Variants in SLC5A10 observed in about 807,000 individuals in gnomAD.
The protein encoded by SLC5A10 is sodium/mannose cotransporter SLC5A10.
In SLC5A10, 55 loss-of-function variants were observed where a neutral mutation model predicts 68.9. The observed-to-expected ratio is 0.80, with a 90% CI of 0.64 to 1.00. The LOEUF is 1.00. SLC5A10 is among the 50% of genes least tolerant of loss of function. The probability of loss-of-function intolerance (pLI) is 0.00; values close to 1 mark genes in which losing one functional copy is unlikely to be tolerated. For missense variants in SLC5A10, 732 were observed against 819.3 expected, an observed-to-expected ratio of 0.89 and a Z score of 1.30; for synonymous variants, 344 against 344.8, an observed-to-expected ratio of 1.00 and a Z score of 0.02.
At chr17:18,992,361 C>T (rs1428457328) in intron 9 of SLC5A10, among the ~76,000 whole-genome samples, 1 of 152,192 alleles carries the variant, frequency 6.6e-6, no homozygotes, top group East Asian at 1.9e-4. Context: ...ATGGGGATCC[C>T]CAGTGCCCTG....
intron 9 of SLC5A10, among the ~76,000 whole-genome samples, chr17:19,007,386 T>C (rs948728675): frequency 6.6e-6 from 1 of 152,166 alleles, no homozygotes; most frequent in African/African-American, 2.4e-5. Flanking sequence ...TTTTTAACTC[T>C]TGAGTTTTAA....
chr17:18,969,177 G>A lies in SLC5A10; in HGVS notation c.559+20G>A, dbSNP rs762692312. ...TCGCAGGTATGGTGCCTGCAGCAGG[G>A]AGGTCCACCCAGGGGACGTGTAAAG... On this transcript the variant is annotated intron_variant, in intron 6 of 14. Coordinates refer to ENST00000395645, the MANE Select transcript of SLC5A10 (RefSeq NM_001042450.4). The A allele has an allele frequency of 6.2e-7, 1 of 1,611,826 alleles. No individual in the cohort carries two copies. Among genetic ancestry groups the A allele is most frequent in the Middle Eastern group, 1.7e-4 (1 of 6,048 alleles).
rs562297716 is a variant in SLC5A10, at chr17:18,987,171, C to A, written c.982+10182C>A. Reference sequence around the variant, plus strand: ...GGCGGTGCCCCTTCTCCTAGGACCACAAGCCTGAAACCTGCAGAATTTTGA... The same window carrying A: ...GGCGGTGCCCCTTCTCCTAGGACCAAAAGCCTGAAACCTGCAGAATTTTGA... On this transcript the variant is annotated intron_variant, in intron 9 of 14. Transcript: ENST00000395645. Among the ~76,000 whole-genome samples, 54 of 152,350 alleles carry A rather than the reference C, an allele frequency of 3.5e-4. 2 individuals carry two copies. In the East Asian group the frequency reaches 0.01, roughly 29 times the overall value.
intron 8 of SLC5A10, among the ~76,000 whole-genome samples, chr17:18,974,023 G>A (rs2042921117): frequency 6.6e-6 from 1 of 151,656 alleles, no homozygotes; most frequent in Non-Finnish European, 1.5e-5. Context: ...CTCCTAAGTA[G>A]TTGGGATTAC....
intron 9 of SLC5A10, among the ~76,000 whole-genome samples, chr17:18,999,804 G>A (rs900248337): frequency 3.9e-5 from 6 of 152,224 alleles, no homozygotes; most frequent in Non-Finnish European, 7.3e-5. Context: ...AGAGATCAGT[G>A]TTCTGGCCCT....
rs561246041 is a variant in SLC5A10, at chr17:18,971,125, CAT to C, written c.754_755del (p.Met252ValfsTer77). The C allele has an allele frequency of 4.4e-4, 709 of 1,614,128 alleles. No homozygotes were observed. The highest frequency in any genetic ancestry group is 5.3e-4 in the South Asian group (48 of 91,086). On this transcript the variant is annotated frameshift_variant, in exon 8 of 15. Transcript: ENST00000395645. LOFTEE classifies it high-confidence loss of function. The surrounding 1 kb of genome is among the most constrained non-coding windows in gnomAD (Gnocchi z 5.5). Reference sequence around the variant, plus strand: ...ACCTGCCACGTACAGACGCCATGCACATGTTTCGAGACCCCCACACAGGGGAC... The same window carrying C: ...ACCTGCCACGTACAGACGCCATGCACGTTTCGAGACCCCCACACAGGGGAC... ...CHLPRTDAMH[M>X]FRDPHTGDLP...
chr17:18,996,221 TA>T lies in SLC5A10; in HGVS notation c.983-17183del, dbSNP rs150862741. ...GGCAAACTAAAGACTTTTTCAAATA[TA>T]AAAAAGCTGAGAGAATTCATTACCA... On this transcript the variant is annotated intron_variant, in intron 9 of 14. Coordinates refer to ENST00000395645, the MANE Select transcript of SLC5A10 (RefSeq NM_001042450.4). This position sits in a 1 kb window ranked among gnomAD's most constrained non-coding sequence, Gnocchi z 4.4. 0.028 allele frequency among the ~76,000 whole-genome samples: 4,294 copies of T among 151,958 alleles called. 198 individuals are homozygous for T. Among genetic ancestry groups the T allele is most frequent in the African/African-American group, 0.097 (4,035 of 41,414 alleles).
upstream of SLC5A10, chr17:18,952,044 G>A (rs889298764): frequency 9.9e-6 from 12 of 1,212,962 alleles, no homozygotes; most frequent in African/African-American, 1.2e-4. Flanking sequence ...AAGCTGAACT[G>A]CATGGTGAGG....
chr17:19,015,019 C>A lies in SLC5A10; in HGVS notation c.1091-30C>A, dbSNP rs1037711069. ...TTCCCGGGGCTGTCTCAAGGCCGGA[C>A]AGGGTCACACATCCCCCGTCCCACC... On this transcript the variant is annotated intron_variant, in intron 10 of 14. Coordinates refer to ENST00000395645, the MANE Select transcript of SLC5A10 (RefSeq NM_001042450.4). 1.9e-6 allele frequency: 3 copies of A among 1,600,038 alleles called. No individual in the cohort carries two copies. The African/African-American group carries it at 4.0e-5, about 21-fold the overall frequency.
chr17:19,013,020 G>C (rs2044049215), intron 9 of SLC5A10, among the ~76,000 whole-genome samples: 2 of 152,232 alleles, frequency 1.3e-5, no homozygotes, highest in Non-Finnish European at 2.9e-5. Flanking sequence ...GCCTGGGGCA[G>C]GGCCCATCCT....
In SLC5A10 at chr17:18,958,707, C is replaced by T. The variant is rs201995487; in HGVS notation, c.137C>T (p.Thr46Met). The T allele has an allele frequency of 2.0e-5, 32 of 1,614,206 alleles. No individual in the cohort carries two copies. The highest frequency in any genetic ancestry group is 1.4e-4 in the South Asian group (13 of 91,086). The change falls in exon 2 of 15, where the codon ACG becomes ATG. Residue 46 changes from threonine to methionine, a missense_variant. Transcript: ENST00000395645. Reference sequence around the variant, plus strand: ...TCCTCTTGTCGGGCCAGTAGGAACACGGTGAATGGCTACTTCCTGGCAGGC... The same window carrying T: ...TCCTCTTGTCGGGCCAGTAGGAACATGGTGAATGGCTACTTCCTGGCAGGC... ...IWSSCRASRN[T>M]VNGYFLAGRD...
intron 5 of SLC5A10, among the ~76,000 whole-genome samples, chr17:18,964,405 G>A (rs188040375): frequency 2.0e-5 from 3 of 152,196 alleles, no homozygotes; most frequent in African/African-American, 4.8e-5. Context: ...GACTGGGCCT[G>A]GCCTGTGGGT....
chr17:18,958,444 A>C (rs1187045012), intron 1 of SLC5A10, among the ~76,000 whole-genome samples: 1 of 152,222 alleles, frequency 6.6e-6, no homozygotes, highest in African/African-American at 2.4e-5. Context: ...AGTCGACAGA[A>C]ATGTGGGTTG....
intron 7 of SLC5A10, 67 bp downstream of exon 7, chr17:18,969,489 C>A (rs2042785101): frequency 1.4e-6 from 2 of 1,436,998 alleles, no homozygotes; most frequent in Non-Finnish European, 1.9e-6. Flanking sequence ...TCTGGCACTG[C>A]CCGGCACTGT....
At chr17:18,997,014 C>CT (rs2043586404) in intron 9 of SLC5A10, among the ~76,000 whole-genome samples, 1 of 152,228 alleles carries the variant, frequency 6.6e-6, no homozygotes, top group Non-Finnish European at 1.5e-5. Flanking sequence ...TGGATGAACT[C>CT]TGAGGTCCCG....
At chr17:18,981,351 G>A (rs771986731) in intron 9 of SLC5A10, among the ~76,000 whole-genome samples, 2 of 152,140 alleles carry the variant, frequency 1.3e-5, no homozygotes, top group East Asian at 3.9e-4. Flanking sequence ...CCTGCAGAGC[G>A]AGCAGGGGCG....
intron 9 of SLC5A10, among the ~76,000 whole-genome samples, chr17:19,009,526 C>T (rs181102694): frequency 6.6e-6 from 1 of 152,316 alleles, no homozygotes; most frequent in East Asian, 1.9e-4. Context: ...TGACTGAGAA[C>T]TGGATTTGTA....
intron 1 of SLC5A10, 45 bp from the exon 2 acceptor site, chr17:18,958,637 G>A (rs1033534263): frequency 8.9e-6 from 14 of 1,580,318 alleles, no homozygotes; most frequent in Middle Eastern, 3.3e-4. Flanking sequence ...CTTCCCAGCA[G>A]CAGTGTGCGG....
Position 19,003,625 on chromosome 17 carries a change from G to A in SLC5A10, c.983-9785G>A, listed in dbSNP as rs1257071389. 5.6e-6 allele frequency: 9 copies of A among 1,612,224 alleles called. No homozygotes were observed. The highest frequency in any genetic ancestry group is 7.6e-6 in the Non-Finnish European group (9 of 1,179,462). On this transcript the variant is annotated intron_variant, in intron 9 of 14. Transcript: ENST00000395645. This position sits in a 1 kb window ranked among gnomAD's most constrained non-coding sequence, Gnocchi z 4.5. Reference sequence around the variant, plus strand: ...TAGCCCGGGTCACGCCGCGGTAGGCGATGGTGTCGGGCCAGCCCAGGTCCA... The same window carrying A: ...TAGCCCGGGTCACGCCGCGGTAGGCAATGGTGTCGGGCCAGCCCAGGTCCA...
Sources: allele counts gnomAD v4.1 joint callset (sites outside exome capture counted in the v4.1 genomes callset), GRCh38; gene constraint gnomAD v4.1.1; non-coding constraint Gnocchi (gnomAD v3.1); transcripts MANE v1.5; gene names NCBI Gene and HGNC (gene_info 2026-07-23, HGNC 2026-07-21).